Variants in SHROOM3 observed in about 807,000 individuals in gnomAD.
SHROOM3 encodes shroom family member 3, also known as protein Shroom3.
Under a neutral mutation model 138.6 loss-of-function variants are expected in SHROOM3, and 47 were observed. The ratio of observed to expected loss-of-function variants is 0.34; its 90% CI spans 0.27 to 0.43. The LOEUF is 0.43. Ranked by LOEUF, SHROOM3 falls within the 20% of genes least tolerant of loss-of-function variation. The pLI is 1.00. For synonymous variants in SHROOM3, 1,062 were observed against 1,063.3 expected, an observed-to-expected ratio of 1.00 and a Z score of 0.02; for missense variants, 2,491 against 2,596.5, an observed-to-expected ratio of 0.96 and a Z score of 0.88.
chr4:76,574,930 T>C (rs927650582), intron 2 of SHROOM3, among the ~76,000 whole-genome samples: 16 of 152,200 alleles, frequency 1.1e-4, no homozygotes, highest in Non-Finnish European at 1.5e-4. Context: ...TTAATGCCAC[T>C]GAAGTGCACC....
chr4:76,571,649 C>T (rs1733834643), intron 2 of SHROOM3, among the ~76,000 whole-genome samples: 1 of 152,128 alleles, frequency 6.6e-6, no homozygotes, highest in Admixed American at 6.5e-5. Flanking sequence ...CAAAACAAAA[C>T]AAAGCAAAAC....
In SHROOM3 at chr4:76,740,791, A is replaced by G; in HGVS notation, c.2618A>G (p.Asp873Gly). The stretch of plus-strand genomic sequence containing the variant: ...CAGCAGCTGAGCGGAGGAGCGTCGG[A>G]CAGCGGCCGTGGCCCCCAGAGGCCG... ...CGQQLSGGASDSGRGPQRPDA... is the reference protein window; with the variant it reads ...CGQQLSGGASGSGRGPQRPDA... The change falls in exon 5 of 11, where the codon GAC (aspartate) becomes GGC (glycine). Residue 873 changes from aspartate (D) to glycine (G), a missense_variant. Physicochemically the swap from Asp to Gly is moderately conservative, Grantham distance 94. Transcript: ENST00000296043. This position sits in a 1 kb window ranked among gnomAD's most constrained non-coding sequence, Gnocchi z 4.0. 6.2e-7 allele frequency: 1 copy of G among 1,610,954 alleles called. No individual in the cohort carries two copies. Among genetic ancestry groups the G allele is most frequent in the Non-Finnish European group, 8.5e-7 (1 of 1,178,980 alleles).
chr4:76,441,776 G>A (rs1409814237), intron 1 of SHROOM3, among the ~76,000 whole-genome samples: 1 of 152,098 alleles, frequency 6.6e-6, no homozygotes, highest in African/African-American at 2.4e-5. Context: ...AGGCTGGAGT[G>A]CAATGGCACG....
intron 2 of SHROOM3, among the ~76,000 whole-genome samples, chr4:76,606,837 G>A (rs1471574867): frequency 6.6e-6 from 1 of 152,108 alleles, no homozygotes; most frequent in Non-Finnish European, 1.5e-5. Context: ...ATTGTACTGG[G>A]TAGCTGGCAG....
chr4:76,646,225 A>AATAAATATAT (rs61374645), intron 2 of SHROOM3, among the ~76,000 whole-genome samples: 24,415 of 95,958 alleles, frequency 0.25, 4,016 homozygotes, highest in East Asian at 0.5. Flanking sequence ...ATAATAAATA[A>AATAAATATAT]ATATATATAT....
chr4:76,518,544 C>T (rs1732494457), intron 1 of SHROOM3, among the ~76,000 whole-genome samples: 1 of 146,950 alleles, frequency 6.8e-6, no homozygotes, highest in Admixed American at 6.9e-5. Context: ...TCCTTCCTAC[C>T]TTCTTCCTTC....
At chr4:76,632,798 G>A (rs1291647184) in intron 2 of SHROOM3, among the ~76,000 whole-genome samples, 1 of 152,090 alleles carries the variant, frequency 6.6e-6, no homozygotes, top group Admixed American at 6.6e-5. Context: ...TGTCTACTTG[G>A]GGGGATTAAG....
At chr4:76,663,453 C>A (rs1718597345) in intron 2 of SHROOM3, among the ~76,000 whole-genome samples, 1 of 152,030 alleles carries the variant, frequency 6.6e-6, no homozygotes, top group African/African-American at 2.4e-5. Flanking sequence ...ACACAACTTG[C>A]TAAGTCAAGG....
intron 1 of SHROOM3, among the ~76,000 whole-genome samples, chr4:76,520,788 C>T (rs1033433118): frequency 2.0e-5 from 3 of 152,194 alleles, no homozygotes; most frequent in South Asian, 4.1e-4. Context: ...TAAACATTGA[C>T]GCAAAGAGGA....
chr4:76,619,621 T>C (rs537098107), intron 2 of SHROOM3, among the ~76,000 whole-genome samples: 45 of 152,270 alleles, frequency 3.0e-4, no homozygotes, highest in African/African-American at 1.0e-3. Flanking sequence ...GATACAGACT[T>C]ACTATCTAAT....
intron 3 of SHROOM3, among the ~76,000 whole-genome samples, chr4:76,714,629 T>G (rs1182573117): frequency 5.3e-5 from 8 of 152,230 alleles, no homozygotes; most frequent in African/African-American, 1.9e-4. Context: ...TTTCAGGCTA[T>G]GGAAATATCC....
chr4:76,634,885 G>A (rs763180888), intron 2 of SHROOM3, among the ~76,000 whole-genome samples: 1 of 152,132 alleles, frequency 6.6e-6, no homozygotes. Context: ...TTGATAGACC[G>A]TGTTTCCTTT....
In SHROOM3 at chr4:76,508,024, T is replaced by A. The variant is rs75185209; in HGVS notation, c.169-47585T>A. Among the ~76,000 whole-genome samples the A allele has an allele frequency of 7.6e-3, 1,163 of 152,346 alleles. 20 individuals are homozygous for A. In the East Asian group the frequency reaches 0.079, roughly 10 times the overall value. ...TCCCATTATCAGGGTTGTTTTTGTA[T>A]TCTCTTTATGTTGTCATTTGAAACA... On this transcript the variant is annotated intron_variant, in intron 1 of 10. Coordinates refer to ENST00000296043, the MANE Select transcript of SHROOM3 (RefSeq NM_020859.4).
intron 2 of SHROOM3, among the ~76,000 whole-genome samples, chr4:76,651,620 T>G (rs1391572888): frequency 6.6e-6 from 1 of 151,812 alleles, no homozygotes; most frequent in Non-Finnish European, 1.5e-5. Flanking sequence ...ACTTAAAGAA[T>G]AGTTGGGAGA....
At chr4:76,695,196 G>T (rs1243675168) in intron 2 of SHROOM3, among the ~76,000 whole-genome samples, 1 of 152,180 alleles carries the variant, frequency 6.6e-6, no homozygotes, top group Non-Finnish European at 1.5e-5. Context: ...TAATGAACAT[G>T]TCTTTTCTTT....
intron 2 of SHROOM3, among the ~76,000 whole-genome samples, chr4:76,582,799 G>A (rs1215779588): frequency 6.6e-6 from 1 of 152,186 alleles, no homozygotes; most frequent in Non-Finnish European, 1.5e-5. Flanking sequence ...CAGAGCCTTA[G>A]ACAATAAGTA....
chr4:76,767,918 T>G (rs1283656197), intron 9 of SHROOM3, among the ~76,000 whole-genome samples: 1 of 152,222 alleles, frequency 6.6e-6, no homozygotes, highest in Non-Finnish European at 1.5e-5. Flanking sequence ...ATTCTAGAAA[T>G]TCTGCTTCTC....
At chr4:76,644,653 T>G (rs1735772624) in intron 2 of SHROOM3, among the ~76,000 whole-genome samples, 1 of 152,202 alleles carries the variant, frequency 6.6e-6, no homozygotes. Context: ...GATACATGTA[T>G]ACATTGTGTA....
intron 10 of SHROOM3, among the ~76,000 whole-genome samples, chr4:76,775,433 T>C (rs1182049984): frequency 2.6e-5 from 4 of 151,976 alleles, no homozygotes; most frequent in South Asian, 4.2e-4. Context: ...GGGAACACTT[T>C]TACACTGCTG....
Sources: gnomAD v4.1 joint callset for allele counts (sites outside exome capture counted in the v4.1 genomes callset) on GRCh38, gnomAD v4.1.1 for gene constraint, Gnocchi (gnomAD v3.1) non-coding constraint, MANE v1.5 for transcripts, NCBI Gene and HGNC (gene_info 2026-07-23, HGNC 2026-07-21) for gene names.